Variants in PTPRN2 observed in about 807,000 individuals in gnomAD.
PTPRN2 encodes the protein receptor-type tyrosine-protein phosphatase N2.
A neutral mutation model predicts 118.8 loss-of-function variants in PTPRN2; 74 were observed. The observed-to-expected ratio is 0.62, with a 90% CI of 0.52 to 0.76. PTPRN2 has a LOEUF of 0.76. Among genes scored for constraint, PTPRN2 ranks in the 30% least tolerant of loss-of-function variants. The pLI, the probability that PTPRN2 is intolerant of heterozygous loss-of-function variation, is 0.00. For synonymous variants in PTPRN2, 641 were observed against 608.0 expected (o/e 1.05, Z -0.80); for missense variants, 1,481 against 1,394.4 (o/e 1.06, Z -0.99).
At chr7:158,249,067 C>T (rs1338366482) in intron 3 of PTPRN2, among the ~76,000 whole-genome samples, 1 of 150,922 alleles carries the variant, frequency 6.6e-6, no homozygotes, top group Non-Finnish European at 1.5e-5. Flanking sequence ...CCACATCACA[C>T]ACATACACCA....
Position 157,771,261 on chromosome 7 carries a change from C to G in PTPRN2, c.1789-88324G>C, listed in dbSNP as rs191638588. ...ACCACTCCAGCTGATGCCAGTGGAG[C>G]AGAAACAAGACTTCCCTGTCATGCC... is the stretch of plus-strand genomic sequence containing the variant. On this transcript the variant is annotated intron_variant, in intron 12 of 22. Coordinates refer to ENST00000389418, the MANE Select transcript of PTPRN2 (RefSeq NM_002847.5). Among the ~76,000 whole-genome samples, 346 of 152,328 alleles carry G rather than the reference C, an allele frequency of 2.3e-3. 1 individual carries two copies. Among genetic ancestry groups the G allele is most frequent in the African/African-American group, 7.7e-3 (319 of 41,568 alleles).
At chr7:158,132,280 C>T (rs866179261) in intron 9 of PTPRN2, among the ~76,000 whole-genome samples, 5 of 151,316 alleles carry the variant, frequency 3.3e-5, no homozygotes, top group East Asian at 2.0e-4. Flanking sequence ...CACACACACA[C>T]GCACAAACTG....
At chr7:157,635,389 A>G (rs1220689911) in intron 14 of PTPRN2, among the ~76,000 whole-genome samples, 1 of 152,252 alleles carries the variant, frequency 6.6e-6, no homozygotes, top group African/African-American at 2.4e-5. Flanking sequence ...GTTTCAGGTA[A>G]CAGTCACCTT....
chr7:158,138,312 G>C lies in PTPRN2; in HGVS notation c.1114C>G (p.Arg372Gly), dbSNP rs749245575. 2 of 1,613,152 alleles carry C rather than the reference G, an allele frequency of 1.2e-6. No homozygotes were observed. The highest frequency in any genetic ancestry group is 1.7e-5 in the Admixed American group (1 of 60,024). ...EQADGPKATL[R>G]GDSFPDDGVQ... ...CAGTCACCTGGAAAGCTGTCTCCAC[G>C]GAGGGTGGCCTTGGGGCCATCCGCC... Residue 372 changes from arginine to glycine, a missense_variant, in exon 7 of 23, where the codon CGT (arginine) becomes GGT (glycine). By Grantham distance (125) the Arg-to-Gly change is moderately radical. This residue lies in a region of PTPRN2 where 1,115 missense variants were observed against 994.2 expected (regional missense o/e 1.12). Transcript: ENST00000389418.
intron 10 of PTPRN2, among the ~76,000 whole-genome samples, chr7:158,096,942 C>T (rs560951841): frequency 8.5e-5 from 13 of 152,306 alleles, no homozygotes; most frequent in East Asian, 1.9e-4. Flanking sequence ...ACAGCACTGT[C>T]GCTGCAGTGG....
intron 2 of PTPRN2, among the ~76,000 whole-genome samples, chr7:158,331,101 C>G (rs59273703): frequency 3.6e-5 from 5 of 137,716 alleles, no homozygotes; most frequent in African/African-American, 5.6e-5. Context: ...TGCCCGCAGA[C>G]GTCACTCACA....
intron 2 of PTPRN2, among the ~76,000 whole-genome samples, chr7:158,376,433 G>GGGGGGTTC (rs1810517377): frequency 7.0e-6 from 1 of 143,578 alleles, no homozygotes; most frequent in Non-Finnish European, 1.5e-5. Flanking sequence ...CGTCCTGAGG[G>GGGGGGTTC]AGGGGTTCAG....
chr7:158,136,185 G>A (rs967076950), intron 8 of PTPRN2, among the ~76,000 whole-genome samples: 1 of 152,190 alleles, frequency 6.6e-6, no homozygotes, highest in African/African-American at 2.4e-5. Flanking sequence ...TGCGGCCAAG[G>A]CACTGCATCT....
chr7:157,734,917 T>C (rs773937370), intron 12 of PTPRN2, among the ~76,000 whole-genome samples: 1 of 152,182 alleles, frequency 6.6e-6, no homozygotes, highest in Non-Finnish European at 1.5e-5. Context: ...GGAGGCAAGT[T>C]GCTATGGAGG....
At chr7:157,743,756 G>A in intron 12 of PTPRN2, among the ~76,000 whole-genome samples, 1 of 151,682 alleles carries the variant, frequency 6.6e-6, no homozygotes, top group East Asian at 1.9e-4. Flanking sequence ...GGTTGGCTGA[G>A]TTGGGCTCTC....
chr7:157,541,867 A>G (rs1338038222), intron 22 of PTPRN2, among the ~76,000 whole-genome samples: 2 of 152,236 alleles, frequency 1.3e-5, no homozygotes, highest in African/African-American at 2.4e-5. Context: ...ATTCTGAGAC[A>G]AAAGACAGTT....
At chr7:158,411,522 T>C (rs977961724) in intron 2 of PTPRN2, among the ~76,000 whole-genome samples, 1 of 152,184 alleles carries the variant, frequency 6.6e-6, no homozygotes, top group African/African-American at 2.4e-5. Flanking sequence ...CTGCAAGTCC[T>C]GCTGTCGTCC....
At position 158,440,873 on chromosome 7, in the gene PTPRN2, TGGTGGTGGTGGTGAA is replaced by T. The variant is rs1371058423; in HGVS notation, c.163+48847_163+48861del. Among the ~76,000 whole-genome samples the T allele has an allele frequency of 2.8e-3, 390 of 140,128 alleles. 16 individuals are homozygous for T. Among genetic ancestry groups the T allele is most frequent in the African/African-American group, 0.01 (350 of 33,760 alleles). The allele number at this position is 140,128 out of a possible 152,430, so 91.9% of individuals were successfully genotyped here. On this transcript the variant is annotated intron_variant, in intron 2 of 22. Transcript: ENST00000389418. ...GGGGTGGTGGTGGGGGCAGTGGTATTGGTGGTGGTGGTGAAGGTGGTGGTGGTGACGGTGATGATG... is the reference window on the plus strand; with the variant it reads ...GGGGTGGTGGTGGGGGCAGTGGTATTGGTGGTGGTGGTGACGGTGATGATG...
At chr7:158,311,930 C>A (rs868111876) in intron 3 of PTPRN2, among the ~76,000 whole-genome samples, 5 of 151,148 alleles carry the variant, frequency 3.3e-5, no homozygotes, top group South Asian at 4.2e-4. Flanking sequence ...CACACATGTG[C>A]TCACGTGTAG....
chr7:157,952,577 G>A (rs1346971501), intron 11 of PTPRN2, among the ~76,000 whole-genome samples: 1 of 152,080 alleles, frequency 6.6e-6, no homozygotes, highest in Non-Finnish European at 1.5e-5. Flanking sequence ...GTGGTGCAGA[G>A]CTGTGGGTCT....
chr7:158,364,368 T>A (rs947135567), intron 2 of PTPRN2, among the ~76,000 whole-genome samples: 1 of 150,492 alleles, frequency 6.6e-6, no homozygotes, highest in East Asian at 2.0e-4. Flanking sequence ...CAGCAGGGTA[T>A]GCAGAGCCCC....
intron 5 of PTPRN2, among the ~76,000 whole-genome samples, chr7:158,171,630 C>A (rs188379054): frequency 6.6e-6 from 1 of 152,002 alleles, no homozygotes; most frequent in Non-Finnish European, 1.5e-5. Context: ...GGATTACAAG[C>A]GTGAGCCACC....
intron 3 of PTPRN2, among the ~76,000 whole-genome samples, chr7:158,246,341 G>A (rs1796246094): frequency 6.6e-6 from 1 of 151,592 alleles, no homozygotes; most frequent in African/African-American, 2.4e-5. Flanking sequence ...CATCCTGGGA[G>A]GTGAGAGATG....
chr7:158,305,784 A>G (rs1361504631), intron 3 of PTPRN2, among the ~76,000 whole-genome samples: 2 of 149,504 alleles, frequency 1.3e-5, no homozygotes, highest in African/African-American at 5.1e-5. Context: ...AAATCAGAGC[A>G]ATTTACTCAA....
Sources: gnomAD v4.1 joint callset for allele counts (sites outside exome capture counted in the v4.1 genomes callset) on GRCh38, gnomAD v4.1.1 for gene constraint, gnomAD v4.1.1 regional missense constraint, MANE v1.5 for transcripts, NCBI Gene and HGNC (gene_info 2026-07-23, HGNC 2026-07-21) for gene names.